The following UBTD1 variants were observed in gnomAD, a reference collection of about 807,000 sequenced individuals.
The protein encoded by UBTD1 is ubiquitin domain containing 1.
Under a neutral mutation model 21.7 loss-of-function variants are expected in UBTD1, and 19 were observed. The ratio of observed to expected loss-of-function variants is 0.87; its 90% CI spans 0.61 to 1.28. The LOEUF (loss-of-function observed/expected upper bound fraction) is 1.28, where lower values mean the gene tolerates loss of function less well. Among genes scored for constraint, UBTD1 ranks in the 50% most tolerant of loss-of-function variants. The pLI is 0.00. For missense variants in UBTD1, 282 were observed against 315.1 expected, an observed-to-expected ratio of 0.89 and a Z score of 0.80; for synonymous variants, 116 against 135.1, an observed-to-expected ratio of 0.86 and a Z score of 0.98.
At position 97,527,915 on chromosome 10, in the gene UBTD1, C is replaced by T. The variant is rs1384662926; in HGVS notation, c.70+28642C>T. 6.6e-5 allele frequency among the ~76,000 whole-genome samples: 10 copies of T among 152,330 alleles called. No individual in the cohort carries two copies. In the East Asian group the frequency reaches 1.7e-3, roughly 26 times the overall value. On this transcript the variant is annotated intron_variant, in intron 1 of 2. Coordinates refer to ENST00000370664, the MANE Select transcript of UBTD1 (RefSeq NM_024954.5). ...TTCCACCTTTCCCCCTTTTCTATTC[C>T]ACAAAACCGCCATTGTCATCATGGC...
At chr10:97,568,886 C>T (rs545497239) in intron 2 of UBTD1, among the ~76,000 whole-genome samples, 3 of 151,634 alleles carry the variant, frequency 2.0e-5, no homozygotes, top group Non-Finnish European at 4.4e-5. Context: ...TGCAGTGGAG[C>T]GATCTCGGCT....
At chr10:97,531,450 C>T (rs55855252) in intron 1 of UBTD1, among the ~76,000 whole-genome samples, 16 of 152,166 alleles carry the variant, frequency 1.1e-4, no homozygotes, top group Non-Finnish European at 2.2e-4. Context: ...GAGGTTTCAC[C>T]ATGTTGGCCA....
rs529546914 is a variant in UBTD1 at position 97,507,651 on chromosome 10, C to G, written c.70+8378C>G. ...ATTAGCCGGGCATGGTGGCACGTGC[C>G]TGTAATCCCAGCTACTCAGGAGGCT... On this transcript the variant is annotated intron_variant, in intron 1 of 2. Transcript: ENST00000370664. Among the ~76,000 whole-genome samples, 7 of 151,762 alleles carry G rather than the reference C, an allele frequency of 4.6e-5. No individual in the cohort carries two copies. In the South Asian group the frequency reaches 1.3e-3, roughly 27 times the overall value.
intron 1 of UBTD1, among the ~76,000 whole-genome samples, chr10:97,544,981 G>C (rs2040602315): frequency 6.6e-6 from 1 of 152,040 alleles, no homozygotes; most frequent in Non-Finnish European, 1.5e-5. Flanking sequence ...CAGTGGCAGA[G>C]GTGGAAGAAA....
intron 1 of UBTD1, among the ~76,000 whole-genome samples, chr10:97,517,254 A>G (rs190012439): frequency 1.3e-5 from 2 of 152,212 alleles, no homozygotes; most frequent in African/African-American, 4.8e-5. Context: ...GCCTGGCACA[A>G]CTGGGGCTTG....
At chr10:97,528,489 C>G (rs1656591429) in intron 1 of UBTD1, among the ~76,000 whole-genome samples, 2 of 78,600 alleles carry the variant, frequency 2.5e-5, no homozygotes, top group East Asian at 4.6e-4. Flanking sequence ...AGAGGTGCCC[C>G]TCACCTCCCG....
At chr10:97,550,520 G>A (rs1408288425) in intron 1 of UBTD1, among the ~76,000 whole-genome samples, 1 of 152,086 alleles carries the variant, frequency 6.6e-6, no homozygotes, top group Non-Finnish European at 1.5e-5. Context: ...TGCAGGAGCT[G>A]TAACTCCTCC....
At chr10:97,548,936 A>T (rs541666655) in intron 1 of UBTD1, among the ~76,000 whole-genome samples, 40 of 152,294 alleles carry the variant, frequency 2.6e-4, no homozygotes, top group Middle Eastern at 3.4e-3. Context: ...GCCCGGCCAG[A>T]TGTGGCCAGG....
intron 1 of UBTD1, among the ~76,000 whole-genome samples, chr10:97,504,702 G>A (rs1271009184): frequency 1.3e-5 from 2 of 152,142 alleles, no homozygotes; most frequent in African/African-American, 4.8e-5. Flanking sequence ...AATAGTTGTT[G>A]GATAAAACTA....
At position 97,560,808 on chromosome 10, in the gene UBTD1, C is replaced by T. The variant is rs1309447271; in HGVS notation, c.71-7106C>T. ...TGGCCCATGCTTCTTTGAGACAAAA[C>T]ACCACGCTTACACCACACACACCCC... On this transcript the variant is annotated intron_variant, in intron 1 of 2. Transcript: ENST00000370664. Among the ~76,000 whole-genome samples, 12 of 152,108 alleles carry T rather than the reference C, an allele frequency of 7.9e-5. No individual in the cohort carries two copies. The East Asian group carries it at 2.3e-3, about 29-fold the overall frequency.
At chr10:97,560,743 T>G (rs1407690485) in intron 1 of UBTD1, among the ~76,000 whole-genome samples, 1 of 152,174 alleles carries the variant, frequency 6.6e-6, no homozygotes, top group Non-Finnish European at 1.5e-5. Context: ...TGAAATTTTT[T>G]TTTTAACATA....
chr10:97,569,516 C>G (rs1439813892), intron 2 of UBTD1, among the ~76,000 whole-genome samples: 1 of 152,236 alleles, frequency 6.6e-6, no homozygotes, highest in Non-Finnish European at 1.5e-5. Context: ...TACACCTGGT[C>G]ATCAGGCTGT....
intron 1 of UBTD1, among the ~76,000 whole-genome samples, chr10:97,506,657 A>G (rs1468895064): frequency 1.3e-5 from 2 of 152,056 alleles, no homozygotes; most frequent in African/African-American, 2.4e-5. Flanking sequence ...CCCATTAAGC[A>G]CTATCCATTT....
chr10:97,559,020 A>G (rs1034034823), intron 1 of UBTD1, among the ~76,000 whole-genome samples: 10 of 152,202 alleles, frequency 6.6e-5, no homozygotes, highest in African/African-American at 2.4e-4. Flanking sequence ...TCGGGGATGA[A>G]CAAGGGCTGA....
intron 1 of UBTD1, among the ~76,000 whole-genome samples, chr10:97,546,513 C>T (rs2040611288): frequency 6.6e-6 from 1 of 150,752 alleles, no homozygotes; most frequent in Admixed American, 6.7e-5. Flanking sequence ...TTATTTGAGT[C>T]CAGGAGATGG....
intron 1 of UBTD1, among the ~76,000 whole-genome samples, chr10:97,564,239 G>C (rs554762141): frequency 6.6e-6 from 1 of 152,166 alleles, no homozygotes; most frequent in South Asian, 2.1e-4. Flanking sequence ...GAAGATAGTC[G>C]CCTAGAGGGC....
intron 1 of UBTD1, among the ~76,000 whole-genome samples, chr10:97,519,881 C>A (rs1195853365): frequency 1.3e-5 from 2 of 151,982 alleles, no homozygotes; most frequent in Non-Finnish European, 2.9e-5. Flanking sequence ...TCCCACAGCC[C>A]TGCAGGTGTT....
chr10:97,559,972 C>T (rs2040684912), intron 1 of UBTD1, among the ~76,000 whole-genome samples: 1 of 152,092 alleles, frequency 6.6e-6, no homozygotes, highest in Non-Finnish European at 1.5e-5. Flanking sequence ...TTCTCATACA[C>T]CTTGCACATA....
In UBTD1 at chr10:97,554,382, G is replaced by T. The variant is rs150506369; in HGVS notation, c.71-13532G>T. 6.6e-3 allele frequency among the ~76,000 whole-genome samples: 1,002 copies of T among 151,676 alleles called. 15 individuals are homozygous for T. Among genetic ancestry groups the T allele is most frequent in the African/African-American group, 0.023 (940 of 41,342 alleles). On this transcript the variant is annotated intron_variant, in intron 1 of 2. Coordinates refer to ENST00000370664, the MANE Select transcript of UBTD1 (RefSeq NM_024954.5). ...CCTGCCTCACCTCCATAATAGCTGGGATTACAGGTGCCCACCACCACTCCC... is the reference window on the plus strand; with the variant it reads ...CCTGCCTCACCTCCATAATAGCTGGTATTACAGGTGCCCACCACCACTCCC...
Sources: allele counts gnomAD v4.1 joint callset (sites outside exome capture counted in the v4.1 genomes callset), GRCh38; gene constraint gnomAD v4.1.1; transcripts MANE v1.5; gene names NCBI Gene and HGNC (gene_info 2026-07-23, HGNC 2026-07-21).